KAZN: variants seen among roughly 807,000 people sequenced by gnomAD.
KAZN encodes the protein kazrin, periplakin interacting protein, also known as kazrin.
KAZN carries 40 observed loss-of-function variants against 87.4 expected under a neutral mutation model. The observed-to-expected ratio is 0.46, with a 90% CI of 0.36 to 0.60. The LOEUF (loss-of-function observed/expected upper bound fraction) is 0.60, where lower values mean the gene tolerates loss of function less well. KAZN is among the 20% of genes least tolerant of loss of function. The pLI, the probability that KAZN is intolerant of heterozygous loss-of-function variation, is 0.00. For missense variants in KAZN, 898 were observed against 1,073.9 expected, an observed-to-expected ratio of 0.84 and a Z score of 2.29; for synonymous variants, 466 against 458.3, an observed-to-expected ratio of 1.02 and a Z score of -0.22.
intron 2 of KAZN, among the ~76,000 whole-genome samples, chr1:14,417,633 C>CTTGT (rs1491399729): frequency 6.6e-6 from 1 of 151,944 alleles, no homozygotes; most frequent in Non-Finnish European, 1.5e-5. Context: ...TACAAGGAGA[C>CTTGT]CCTAGGAAAG....
chr1:14,581,386 C>A (rs561661743), intron 2 of KAZN, among the ~76,000 whole-genome samples: 49 of 152,150 alleles, frequency 3.2e-4, no homozygotes. Flanking sequence ...CAATACTGAT[C>A]TAGAATCCAT....
At chr1:14,122,393 C>CT (rs994439623) in intron 1 of KAZN, among the ~76,000 whole-genome samples, 10 of 152,052 alleles carry the variant, frequency 6.6e-5, no homozygotes, top group African/African-American at 2.4e-5. Flanking sequence ...TTTTGGATCT[C>CT]TTTTATCCAG....
chr1:14,406,308 G>A (rs1214657958), intron 2 of KAZN, among the ~76,000 whole-genome samples: 1 of 152,020 alleles, frequency 6.6e-6, no homozygotes, highest in Non-Finnish European at 1.5e-5. Flanking sequence ...CAATCAACAA[G>A]TGGATAAAGA....
At chr1:14,156,678 C>T (rs534121474) in intron 1 of KAZN, among the ~76,000 whole-genome samples, 3 of 152,204 alleles carry the variant, frequency 2.0e-5, no homozygotes, top group East Asian at 1.9e-4. Flanking sequence ...TGGTTTCCGT[C>T]GGCATGAAAT....
intron 2 of KAZN, among the ~76,000 whole-genome samples, chr1:14,997,233 ATT>A (rs1667984804): frequency 1.4e-5 from 2 of 145,758 alleles, no homozygotes; most frequent in Non-Finnish European, 3.0e-5. Context: ...TTATTTATTT[ATT>A]TATTTATTTA....
chr1:14,476,929 C>T (rs548781490), intron 2 of KAZN, among the ~76,000 whole-genome samples: 1 of 152,162 alleles, frequency 6.6e-6, no homozygotes, highest in South Asian at 2.1e-4. Context: ...CCTCATGTTC[C>T]CTCTGCCTAG....
At chr1:13,977,120 C>T (rs1638401834) in intron 1 of KAZN, among the ~76,000 whole-genome samples, 1 of 152,174 alleles carries the variant, frequency 6.6e-6, no homozygotes, top group African/African-American at 2.4e-5. Context: ...TAGAGAGATC[C>T]TTACCTGTGC....
chr1:14,383,964 ATTTG>A (rs1661626411), intron 2 of KAZN, among the ~76,000 whole-genome samples: 1 of 151,992 alleles, frequency 6.6e-6, no homozygotes, highest in Non-Finnish European at 1.5e-5. Flanking sequence ...ATGTTCTTCC[ATTTG>A]TTTGTATCCT....
chr1:14,689,022 C>T lies in KAZN; in HGVS notation c.226+89799C>T, dbSNP rs193098714. ...CAGCCTGGACAACATGACAAAACCC[C>T]ATCTCTACTAAAAATCCAAAAAATT... On this transcript the variant is annotated intron_variant, in intron 1 of 14. Transcript: ENST00000376030. 5.6e-3 allele frequency among the ~76,000 whole-genome samples: 846 copies of T among 152,148 alleles called. 3 individuals carry two copies. Among genetic ancestry groups the T allele is most frequent in the South Asian group, 0.024 (115 of 4,818 alleles).
intron 1 of KAZN, among the ~76,000 whole-genome samples, chr1:14,748,645 G>A (rs765608009): frequency 1.3e-5 from 2 of 152,226 alleles, no homozygotes; most frequent in East Asian, 3.8e-4. Flanking sequence ...CATGAGTTTT[G>A]TTGAGGTTGG....
chr1:14,221,422 G>A (rs1271116799), intron 2 of KAZN, among the ~76,000 whole-genome samples: 1 of 152,116 alleles, frequency 6.6e-6, no homozygotes, highest in African/African-American at 2.4e-5. Context: ...AAATCATGAT[G>A]TTTGCAATCA....
At chr1:13,906,361 GA>G (rs1254217310) in intron 1 of KAZN, among the ~76,000 whole-genome samples, 1 of 152,180 alleles carries the variant, frequency 6.6e-6, no homozygotes, top group African/African-American at 2.4e-5. Context: ...GCTGGAGAGA[GA>G]AATACAGAGC....
chr1:14,702,623 CAGAGTATCGTGTATCGATAGATT>C (rs944717340), intron 1 of KAZN, among the ~76,000 whole-genome samples: 2 of 152,092 alleles, frequency 1.3e-5, no homozygotes, highest in Admixed American at 1.3e-4. Flanking sequence ...ACACAATACA[CAGAGTATCGTGTATCGATAGATT>C]AGAGTTGGTG....
At chr1:14,749,910 G>A (rs1644365139) in intron 1 of KAZN, among the ~76,000 whole-genome samples, 1 of 152,044 alleles carries the variant, frequency 6.6e-6, no homozygotes, top group Non-Finnish European at 1.5e-5. Context: ...GCCATTGTAA[G>A]GACCCAAATG....
intron 2 of KAZN, among the ~76,000 whole-genome samples, chr1:14,297,924 A>G (rs1654249984): frequency 6.6e-6 from 1 of 152,132 alleles, no homozygotes; most frequent in Admixed American, 6.5e-5. Flanking sequence ...GGTGGAAACC[A>G]ATAGAAAATT....
intron 2 of KAZN, among the ~76,000 whole-genome samples, chr1:14,259,683 A>G (rs1650859357): frequency 6.6e-6 from 1 of 152,184 alleles, no homozygotes; most frequent in African/African-American, 2.4e-5. Flanking sequence ...GCTTCCTTTG[A>G]TGCATCCTCC....
intron 8 of KAZN, among the ~76,000 whole-genome samples, chr1:15,080,134 T>A (rs1044440738): frequency 3.9e-5 from 6 of 152,138 alleles, no homozygotes; most frequent in African/African-American, 1.4e-4. Flanking sequence ...GAGGAGGATG[T>A]CCTCCGAGGT....
chr1:14,387,479 A>T (rs1662028088), intron 2 of KAZN, among the ~76,000 whole-genome samples: 1 of 151,544 alleles, frequency 6.6e-6, no homozygotes, highest in East Asian at 1.9e-4. Flanking sequence ...GGTGATGTAC[A>T]GATGGGTTTT....
chr1:14,073,127 A>G (rs780557450), intron 1 of KAZN, among the ~76,000 whole-genome samples: 5 of 152,230 alleles, frequency 3.3e-5, no homozygotes, highest in Non-Finnish European at 7.3e-5. Context: ...TTGCAACTGA[A>G]TGCAACAAGA....
Sources: allele counts gnomAD v4.1 joint callset (sites outside exome capture counted in the v4.1 genomes callset), GRCh38; gene constraint gnomAD v4.1.1; transcripts MANE v1.5; gene names NCBI Gene and HGNC (gene_info 2026-07-23, HGNC 2026-07-21).